ABTB3: variants seen among roughly 807,000 people sequenced by gnomAD.
The protein encoded by ABTB3 is ankyrin repeat- and BTB/POZ domain-containing protein 3.
chr12:107,475,368 G>A, the ABTB3 span, among the ~76,000 whole-genome samples: 1 of 152,200 alleles, frequency 6.6e-6, no homozygotes. Flanking sequence ...ACGGGCATGA[G>A]ATGCTGCACA....
At chr12:107,464,957 C>CAA in the ABTB3 span, among the ~76,000 whole-genome samples, 3 of 151,732 alleles carry the variant, frequency 2.0e-5, no homozygotes, top group African/African-American at 7.3e-5. Flanking sequence ...CTTACACACA[C>CAA]ACACACACAC....
chr12:107,453,789 G>A, the ABTB3 span, among the ~76,000 whole-genome samples: 15 of 152,200 alleles, frequency 9.9e-5, no homozygotes, highest in Non-Finnish European at 1.8e-4. Context: ...ATGGTGGCCT[G>A]GAAGGGCAAG....
the ABTB3 span, among the ~76,000 whole-genome samples, chr12:107,477,075 CATTAAAA>C: frequency 6.6e-6 from 1 of 152,138 alleles, no homozygotes; most frequent in Non-Finnish European, 1.5e-5. Flanking sequence ...TCCTCAGGGA[CATTAAAA>C]TGTCTGTGCC....
the ABTB3 span, chr12:107,320,582 G>A: frequency 1.1e-5 from 5 of 456,042 alleles, no homozygotes; most frequent in African/African-American, 8.0e-5. Flanking sequence ...GAGGGGCCTG[G>A]CGGCCGTACC....
At chr12:107,505,154 G>A in the ABTB3 span, among the ~76,000 whole-genome samples, 1 of 152,012 alleles carries the variant, frequency 6.6e-6, no homozygotes, top group Non-Finnish European at 1.5e-5. Flanking sequence ...ACCCCTAACT[G>A]CCCATCACCT....
At chr12:107,401,165 CAT>C in the ABTB3 span, among the ~76,000 whole-genome samples, 1 of 152,308 alleles carries the variant, frequency 6.6e-6, no homozygotes, top group South Asian at 2.1e-4. Context: ...GGTTCCTTTT[CAT>C]GTGCAATATT....
At chr12:107,345,750 C>G in the ABTB3 span, among the ~76,000 whole-genome samples, 1 of 152,094 alleles carries the variant, frequency 6.6e-6, no homozygotes. Context: ...TTTGAACTGA[C>G]TGTGGGCAGG....
At chr12:107,438,230 G>A in the ABTB3 span, among the ~76,000 whole-genome samples, 3 of 152,134 alleles carry the variant, frequency 2.0e-5, no homozygotes, top group Admixed American at 6.5e-5. Flanking sequence ...AAATGAGAAG[G>A]ACTGAGTGGG....
the ABTB3 span, among the ~76,000 whole-genome samples, chr12:107,485,198 T>G: frequency 6.6e-6 from 1 of 152,164 alleles, no homozygotes; most frequent in South Asian, 2.1e-4. Flanking sequence ...CCTCAACCCC[T>G]ATGATTCCAA....
chr12:107,571,855 T>G, the ABTB3 span, among the ~76,000 whole-genome samples: 1 of 152,210 alleles, frequency 6.6e-6, no homozygotes, highest in Non-Finnish European at 1.5e-5. Context: ...TGGTACGTGA[T>G]GGACACTGAG....
At chr12:107,646,262 G>A in the ABTB3 span, among the ~76,000 whole-genome samples, 1 of 152,188 alleles carries the variant, frequency 6.6e-6, no homozygotes, top group African/African-American at 2.4e-5. Flanking sequence ...GGCTTGTGCC[G>A]GCAGAGTTTG....
At chr12:107,581,198 G>A in the ABTB3 span, 46 of 1,537,512 alleles carry the variant, frequency 3.0e-5, no homozygotes, top group East Asian at 9.8e-5. Flanking sequence ...CCGGGTGGCC[G>A]TGGCGCACGC....
the ABTB3 span, among the ~76,000 whole-genome samples, chr12:107,562,002 CT>C: frequency 1.3e-5 from 2 of 152,164 alleles, no homozygotes; most frequent in East Asian, 3.8e-4. Flanking sequence ...TATCATAAAG[CT>C]TTTCGGAAGG....
the ABTB3 span, among the ~76,000 whole-genome samples, chr12:107,524,893 C>T: frequency 2.0e-5 from 3 of 152,210 alleles, no homozygotes; most frequent in East Asian, 5.8e-4. Context: ...CTGTAGGGTG[C>T]ACTGTGGATG....
chr12:107,421,457 G>A, the ABTB3 span, among the ~76,000 whole-genome samples: 8 of 152,244 alleles, frequency 5.3e-5, no homozygotes, highest in East Asian at 1.9e-4. Flanking sequence ...CTTTAATGAC[G>A]AGAAAGAGAA....
At chr12:107,627,671 G>A in the ABTB3 span, among the ~76,000 whole-genome samples, 14 of 152,150 alleles carry the variant, frequency 9.2e-5, no homozygotes, top group Admixed American at 7.2e-4. Flanking sequence ...TGGGAAGATG[G>A]TCCCAAGTCA....
At chr12:107,374,654 G>A in the ABTB3 span, 1 of 152,226 alleles carries the variant, frequency 6.6e-6, no homozygotes, top group African/African-American at 2.4e-5. Flanking sequence ...CTGGGCCCGA[G>A]CAGAGGAAGA....
the ABTB3 span, among the ~76,000 whole-genome samples, chr12:107,380,159 T>C: frequency 6.6e-6 from 1 of 152,180 alleles, no homozygotes; most frequent in African/African-American, 2.4e-5. Context: ...TGAGCGCTGG[T>C]AAACAGAACC....
chr12:107,414,768 A>G, the ABTB3 span, among the ~76,000 whole-genome samples: 3 of 143,380 alleles, frequency 2.1e-5, no homozygotes, highest in African/African-American at 7.9e-5. Flanking sequence ...CCCAGTCTGG[A>G]GTGCAGTGGC....
Sources: allele counts gnomAD v4.1 joint callset (sites outside exome capture counted in the v4.1 genomes callset), GRCh38; gene constraint gnomAD v4.1.1; transcripts MANE v1.5; gene names NCBI Gene and HGNC (gene_info 2026-07-23, HGNC 2026-07-21).